The following MGAT5 variants were observed in gnomAD, a reference collection of about 807,000 sequenced individuals.
MGAT5 encodes alpha-1,6-mannosylglycoprotein 6-beta-N-acetylglucosaminyltransferase A.
Under a neutral mutation model 94.3 loss-of-function variants are expected in MGAT5, and 30 were observed. That is an observed-to-expected ratio of 0.32 (90% CI 0.24 to 0.43). MGAT5 has a LOEUF of 0.43. MGAT5 is among the 20% of genes least tolerant of loss of function. The pLI is 1.00. For missense variants in MGAT5, 691 were observed against 905.5 expected (o/e 0.76, Z 3.04); for synonymous variants, 310 against 322.9 (o/e 0.96, Z 0.43).
intron 10 of MGAT5, among the ~76,000 whole-genome samples, chr2:134,391,664 CA>C (rs1682420269): frequency 1.3e-5 from 2 of 152,174 alleles, no homozygotes; most frequent in African/African-American, 4.8e-5. Context: ...AGTACCATCA[CA>C]GGGGGGATAA....
intron 10 of MGAT5, among the ~76,000 whole-genome samples, chr2:134,397,531 C>T (rs1254196232): frequency 6.6e-6 from 1 of 152,164 alleles, no homozygotes; most frequent in African/African-American, 2.4e-5. Flanking sequence ...CGCCCTGCTC[C>T]TTCCTGTGTC....
chr2:134,121,998 C>T (rs1417916692), intron 1 of MGAT5, among the ~76,000 whole-genome samples: 4 of 152,142 alleles, frequency 2.6e-5, no homozygotes, highest in Non-Finnish European at 4.4e-5. Flanking sequence ...TCACCCTCCT[C>T]CCCCCGTCCT....
In MGAT5 at chr2:134,140,304, C is replaced by T. The variant is rs576876409; in HGVS notation, c.-143+20013C>T. ...GGTGTGGGAGCTGTGGCCGTTCCAC[C>T]GTGGGAAAGGAGAGATGGGACGATG... On this transcript the variant is annotated intron_variant, in intron 1 of 16. Transcript: ENST00000409645. Among the ~76,000 whole-genome samples, 20 of 152,300 alleles carry T rather than the reference C, an allele frequency of 1.3e-4. No individual in the cohort carries two copies. In the South Asian group the frequency reaches 3.3e-3, roughly 25 times the overall value.
At chr2:134,338,546 G>A in intron 6 of MGAT5, 126 bp downstream of exon 6, 4 of 1,064,274 alleles carry the variant, frequency 3.8e-6, no homozygotes, top group Non-Finnish European at 4.0e-6. Context: ...AATCTGCTCA[G>A]TCTCTTGTAC....
intron 13 of MGAT5, among the ~76,000 whole-genome samples, chr2:134,423,411 C>A (rs1381216844): frequency 6.6e-6 from 1 of 152,168 alleles, no homozygotes; most frequent in Non-Finnish European, 1.5e-5. Flanking sequence ...TGTGAGGTAC[C>A]TACCATACAC....
intron 1 of MGAT5, among the ~76,000 whole-genome samples, chr2:134,237,123 A>ATGTG (rs68003122): frequency 1.8e-4 from 26 of 140,722 alleles, no homozygotes; most frequent in East Asian, 1.2e-3. Context: ...GAAGGAGTAT[A>ATGTG]TGTGTGTGTG....
At chr2:134,139,292 A>C (rs746921031) in intron 1 of MGAT5, among the ~76,000 whole-genome samples, 1 of 152,272 alleles carries the variant, frequency 6.6e-6, no homozygotes, top group Admixed American at 6.5e-5. Context: ...AAACATCTTC[A>C]TAGCCTGTGG....
At chr2:134,441,715 T>C in intron 14 of MGAT5, 43 bp from the exon 15 acceptor site, 1 of 1,581,492 alleles carries the variant, frequency 6.3e-7, no homozygotes. Context: ...GATCCCCAGC[T>C]GTATCCTTGG....
intron 8 of MGAT5, among the ~76,000 whole-genome samples, chr2:134,348,448 C>T (rs1051110397): frequency 1.6e-4 from 24 of 152,228 alleles, no homozygotes; most frequent in Admixed American, 6.5e-5. Flanking sequence ...CTGGCCTTGA[C>T]GAATGGTAGT....
At chr2:134,225,896 T>G (rs573928611) in intron 1 of MGAT5, among the ~76,000 whole-genome samples, 1 of 152,370 alleles carries the variant, frequency 6.6e-6, no homozygotes, top group Admixed American at 6.5e-5. Context: ...CAACTTTATA[T>G]GATAAAGACA....
At chr2:134,191,955 T>C (rs1679230269) in intron 1 of MGAT5, among the ~76,000 whole-genome samples, 1 of 148,036 alleles carries the variant, frequency 6.8e-6, no homozygotes, top group South Asian at 2.2e-4. Context: ...GCCCTCCTTC[T>C]CCTCCTGCTC....
At chr2:134,414,819 A>G (rs1219322007) in intron 12 of MGAT5, among the ~76,000 whole-genome samples, 1 of 152,040 alleles carries the variant, frequency 6.6e-6, no homozygotes, top group Non-Finnish European at 1.5e-5. Flanking sequence ...GAGTTCAACC[A>G]TTTTACTGTG....
intron 14 of MGAT5, among the ~76,000 whole-genome samples, chr2:134,434,118 C>A (rs116180065): frequency 0.016 from 2,503 of 152,310 alleles, 71 homozygotes; most frequent in African/African-American, 0.058. Flanking sequence ...TTTCCCTGGC[C>A]CAGCAAACCA....
At chr2:134,174,647 G>A (rs1688372666) in intron 1 of MGAT5, among the ~76,000 whole-genome samples, 1 of 152,236 alleles carries the variant, frequency 6.6e-6, no homozygotes, top group African/African-American at 2.4e-5. Context: ...GACAAGTCAT[G>A]GGAACTAGAT....
At chr2:134,362,517 T>G in intron 10 of MGAT5, 109 bp downstream of exon 10, 1 of 1,324,944 alleles carries the variant, frequency 7.5e-7, no homozygotes, top group South Asian at 1.4e-5. Flanking sequence ...CTTAATGGGA[T>G]CTACTTAGAC....
At chr2:134,168,095 A>G (rs998426272) in intron 1 of MGAT5, among the ~76,000 whole-genome samples, 2 of 152,198 alleles carry the variant, frequency 1.3e-5, no homozygotes, top group Non-Finnish European at 2.9e-5. Context: ...GCCTGTTTAT[A>G]ATCCTATTAA....
chr2:134,329,992 T>A (rs1423576499), intron 4 of MGAT5, among the ~76,000 whole-genome samples: 1 of 151,990 alleles, frequency 6.6e-6, no homozygotes, highest in Non-Finnish European at 1.5e-5. Flanking sequence ...GGGGGCTTAC[T>A]TTTTTTTAGT....
At chr2:134,384,678 G>A (rs1681860501) in intron 10 of MGAT5, among the ~76,000 whole-genome samples, 1 of 152,150 alleles carries the variant, frequency 6.6e-6, no homozygotes, top group African/African-American at 2.4e-5. Context: ...CATGATATCT[G>A]CATTTCTGAA....
At chr2:134,188,489 T>C (rs60879361) in intron 1 of MGAT5, among the ~76,000 whole-genome samples, 26,668 of 152,240 alleles carry the variant, frequency 0.18, 2,562 homozygotes, top group East Asian at 0.36. Context: ...AGTTAATACA[T>C]GTGGAAGGTC....
Sources: allele counts gnomAD v4.1 joint callset (sites outside exome capture counted in the v4.1 genomes callset), GRCh38; gene constraint gnomAD v4.1.1; transcripts MANE v1.5; gene names NCBI Gene and HGNC (gene_info 2026-07-23, HGNC 2026-07-21).